The following EGFLAM variants were observed in gnomAD, a reference collection of about 807,000 sequenced individuals.
The protein encoded by EGFLAM is pikachurin.
EGFLAM carries 79 observed loss-of-function variants against 113.1 expected under a neutral mutation model. That is an observed-to-expected ratio of 0.70 (90% CI 0.58 to 0.84). EGFLAM has a LOEUF of 0.84. Among genes scored for constraint, EGFLAM ranks in the 40% least tolerant of loss-of-function variants. EGFLAM has a pLI of 0.00. For synonymous variants in EGFLAM, 504 were observed against 487.6 expected, an observed-to-expected ratio of 1.03 and a Z score of -0.44; for missense variants, 1,265 against 1,291.6, an observed-to-expected ratio of 0.98 and a Z score of 0.32.
At chr5:38,448,432 A>G in intron 18 of EGFLAM, 53 bp downstream of exon 18, 2 of 1,569,718 alleles carry the variant, frequency 1.3e-6, no homozygotes, top group South Asian at 1.1e-5. Context: ...AAATTTCTCT[A>G]TATCTTTCTC....
In EGFLAM at chr5:38,427,018, T is replaced by G; in HGVS notation, c.1820T>G (p.Leu607Trp). 6.2e-7 allele frequency: 1 copy of G among 1,613,966 alleles called. No homozygotes were observed. Among genetic ancestry groups the G allele is most frequent in the Non-Finnish European group, 8.5e-7 (1 of 1,179,976 alleles). The change falls in exon 14 of 22, where the codon TTG (leucine) becomes TGG (tryptophan). Residue 607 changes from leucine (L) to tryptophan (W), a missense_variant. By Grantham distance (61) the Leu-to-Trp change is moderately conservative (BLOSUM62 -2). Transcript: ENST00000322350. ...ATGCTTGTTTTTTCAGCTTTCACCT[T>G]GACCATTCCTCAGTTCAGAGAGTCT... Reference protein sequence around the residue: ...KGRHCEDAFTLTIPQFRESLR... With the variant: ...KGRHCEDAFTWTIPQFRESLR...
At chr5:38,302,419 T>A (rs1473014956) in intron 1 of EGFLAM, among the ~76,000 whole-genome samples, 1 of 152,156 alleles carries the variant, frequency 6.6e-6, no homozygotes, top group South Asian at 2.1e-4. Flanking sequence ...TGGGCAAGTC[T>A]CTGAGCCTCC....
chr5:38,372,157 T>C (rs1023276603), intron 6 of EGFLAM, among the ~76,000 whole-genome samples: 36 of 151,876 alleles, frequency 2.4e-4, no homozygotes, highest in African/African-American at 8.0e-4. Context: ...TTTTTTTTTT[T>C]CTTGACTCAG....
intron 6 of EGFLAM, among the ~76,000 whole-genome samples, chr5:38,389,748 C>G (rs1401649525): frequency 6.6e-6 from 1 of 152,050 alleles, no homozygotes; most frequent in African/African-American, 2.4e-5. Flanking sequence ...CTCATAATCT[C>G]TTAGTTTGGA....
In EGFLAM at chr5:38,451,761, T is replaced by C. The variant is rs150216563; in HGVS notation, c.2687+303T>C. 7.5e-3 allele frequency: 1,987 copies of C among 265,444 alleles called. 40 individuals carry two copies. The highest frequency in any genetic ancestry group is 0.04 in the African/African-American group (1,854 of 46,192). 16.4% of individuals were successfully genotyped at this position (265,444 alleles called of 1,614,324 possible). Reference sequence around the variant, plus strand: ...ATCCTAGCACTTCGGGAGGCCGAGGTGGGCAGATCATTTAAGATCAGGAGT... The same window carrying C: ...ATCCTAGCACTTCGGGAGGCCGAGGCGGGCAGATCATTTAAGATCAGGAGT... On this transcript the variant is annotated intron_variant, in intron 19 of 21. Transcript: ENST00000322350.
At chr5:38,277,941 T>C (rs1227498254) in intron 1 of EGFLAM, among the ~76,000 whole-genome samples, 1 of 152,104 alleles carries the variant, frequency 6.6e-6, no homozygotes, top group Admixed American at 6.5e-5. Flanking sequence ...GAAGAAAGAA[T>C]ATTGTTAAAA....
intron 1 of EGFLAM, among the ~76,000 whole-genome samples, chr5:38,280,346 C>T (rs1757982374): frequency 6.6e-6 from 1 of 152,236 alleles, no homozygotes; most frequent in African/African-American, 2.4e-5. Context: ...ACTGTCAGCT[C>T]TTCTCTGCCC....
chr5:38,380,875 T>C (rs1740492403), intron 6 of EGFLAM, among the ~76,000 whole-genome samples: 1 of 152,188 alleles, frequency 6.6e-6, no homozygotes, highest in Admixed American at 6.5e-5. Flanking sequence ...ACCAATATTT[T>C]ACCCCCTCTG....
chr5:38,429,928 G>C, intron 14 of EGFLAM: 1 of 195,178 alleles, frequency 5.1e-6, no homozygotes, highest in Admixed American at 4.8e-5. Flanking sequence ...ACTTGTTCTT[G>C]CCCATCTGTT....
In EGFLAM at chr5:38,435,217, G is replaced by T. The variant is rs752025232; in HGVS notation, c.2247G>T (p.Ser749=). Residue 749 remains serine, a synonymous_variant, in exon 16 of 22, where the codon TCG becomes TCT. Transcript: ENST00000322350. Reference sequence around the variant, plus strand: ...ATTATGATGATGTGAAGAAGAACTCGGGTGTCCTGAAGCCTTTCAGCGGGA... The same window carrying T: ...ATTATGATGATGTGAAGAAGAACTCTGGTGTCCTGAAGCCTTTCAGCGGGA... The part of the protein sequence containing the change: ...VPNYDDVKKN[S]GVLKPFSGSI... 3 of 1,613,952 alleles carry T rather than the reference G, an allele frequency of 1.9e-6. No homozygotes were observed. Among genetic ancestry groups the T allele is most frequent in the South Asian group, 2.2e-5 (2 of 91,082 alleles).
intron 1 of EGFLAM, among the ~76,000 whole-genome samples, chr5:38,304,093 C>A (rs113811892): frequency 0.17 from 24,984 of 150,480 alleles, 2,190 homozygotes; most frequent in Middle Eastern, 0.2. Flanking sequence ...CACGCCATTG[C>A]GCTCCAGCCT....
At chr5:38,341,458 T>C (rs969603309) in intron 3 of EGFLAM, among the ~76,000 whole-genome samples, 2 of 152,194 alleles carry the variant, frequency 1.3e-5, no homozygotes, top group Admixed American at 1.3e-4. Context: ...CATGATTCAA[T>C]TACCTCCAGC....
chr5:38,443,547 A>G (rs1299605100), intron 17 of EGFLAM, among the ~76,000 whole-genome samples: 1 of 152,168 alleles, frequency 6.6e-6, no homozygotes, highest in Admixed American at 6.5e-5. Context: ...TATAATAAAG[A>G]TCTCTGTACC....
chr5:38,398,498 C>A (rs891370661), intron 6 of EGFLAM, among the ~76,000 whole-genome samples: 2 of 152,106 alleles, frequency 1.3e-5, no homozygotes, highest in Admixed American at 1.3e-4. Context: ...GGGAAGACAT[C>A]CCTAAGAAAG....
chr5:38,347,149 G>A (rs1739493330), intron 3 of EGFLAM, among the ~76,000 whole-genome samples: 1 of 152,192 alleles, frequency 6.6e-6, no homozygotes, highest in African/African-American at 2.4e-5. Flanking sequence ...TGGGGCAGGA[G>A]TACTGATGCT....
intron 19 of EGFLAM, among the ~76,000 whole-genome samples, chr5:38,453,849 G>A (rs772124237): frequency 3.3e-5 from 5 of 152,114 alleles, no homozygotes; most frequent in Non-Finnish European, 7.3e-5. Context: ...TTCTACTCCA[G>A]TAGGGAAACA....
intron 1 of EGFLAM, among the ~76,000 whole-genome samples, chr5:38,267,551 G>A (rs941587943): frequency 9.9e-5 from 15 of 152,094 alleles, no homozygotes; most frequent in Middle Eastern, 3.2e-3. Context: ...CTGTTATATT[G>A]TCTGTAATTT....
intron 6 of EGFLAM, among the ~76,000 whole-genome samples, chr5:38,394,700 C>T (rs796399262): frequency 1.4e-4 from 20 of 139,690 alleles, no homozygotes; most frequent in African/African-American, 3.0e-4. Context: ...TGAGCCACCG[C>T]GCCGGGCCCA....
intron 1 of EGFLAM, among the ~76,000 whole-genome samples, chr5:38,260,347 G>A (rs905165688): frequency 6.6e-6 from 1 of 152,180 alleles, no homozygotes; most frequent in African/African-American, 2.4e-5. Flanking sequence ...AACAGTGTAT[G>A]CAATGCTTTT....
Sources: allele counts gnomAD v4.1 joint callset (sites outside exome capture counted in the v4.1 genomes callset), GRCh38; gene constraint gnomAD v4.1.1; transcripts MANE v1.5; gene names NCBI Gene and HGNC (gene_info 2026-07-23, HGNC 2026-07-21).